The following PCDHA2 variants were observed in gnomAD, a reference collection of about 807,000 sequenced individuals.
PCDHA2 encodes the protein protocadherin alpha 2, also known as protocadherin alpha-2.
Under a neutral mutation model 66.0 loss-of-function variants are expected in PCDHA2, and 58 were observed. That is an observed-to-expected ratio of 0.88 (90% CI 0.71 to 1.09). The LOEUF is 1.09. PCDHA2 is among the 50% of genes least tolerant of loss of function. The pLI, the probability that PCDHA2 is intolerant of heterozygous loss-of-function variation, is 0.00. For synonymous variants in PCDHA2, 634 were observed against 554.0 expected (o/e 1.14, Z -2.03); for missense variants, 1,267 against 1,242.3 (o/e 1.02, Z -0.30).
intron 1 of PCDHA2, chr5:140,827,862 T>A: frequency 1.7e-6 from 1 of 602,860 alleles, no homozygotes; most frequent in Non-Finnish European, 2.9e-6. Context: ...AAATATATGG[T>A]ATAGCACTGT....
At chr5:141,005,153 C>G (rs1408163088) in intron 3 of PCDHA2, among the ~76,000 whole-genome samples, 1 of 152,194 alleles carries the variant, frequency 6.6e-6, no homozygotes, top group East Asian at 1.9e-4. Flanking sequence ...GTTTGGTCTG[C>G]TAAAGAGTGG....
At chr5:140,799,038 C>A (rs1554120819) in intron 1 of PCDHA2, among the ~76,000 whole-genome samples, 1 of 152,168 alleles carries the variant, frequency 6.6e-6, no homozygotes, top group Non-Finnish European at 1.5e-5. Context: ...TGATAAGCTT[C>A]TAAAATTATA....
rs77462249 is a variant in PCDHA2 at position 141,008,293 on chromosome 5, C to G, written c.2537-1334C>G. ...ATAGGAAATTGAAATAGCAGTTGTA[C>G]CCAACCCTAAACTGTAATTGAACAT... On this transcript the variant is annotated intron_variant, in intron 3 of 3. Coordinates refer to ENST00000526136, the MANE Select transcript of PCDHA2 (RefSeq NM_018905.3). 3.5e-3 allele frequency among the ~76,000 whole-genome samples: 527 copies of G among 152,254 alleles called. 1 individual carries two copies. The highest frequency in any genetic ancestry group is 5.9e-3 in the Non-Finnish European group (399 of 68,006).
At chr5:140,931,235 C>T (rs1563126725) in intron 1 of PCDHA2, among the ~76,000 whole-genome samples, 1 of 152,116 alleles carries the variant, frequency 6.6e-6, no homozygotes, top group Non-Finnish European at 1.5e-5. Flanking sequence ...AATATGTGAA[C>T]ACTTTTCCTA....
chr5:140,885,480 A>G (rs782437070), intron 1 of PCDHA2, among the ~76,000 whole-genome samples: 7 of 152,158 alleles, frequency 4.6e-5, no homozygotes, highest in Non-Finnish European at 7.4e-5. Context: ...ACTTTGTGTC[A>G]AGTGTTCTGT....
chr5:140,888,647 T>C (rs781796685), intron 1 of PCDHA2, among the ~76,000 whole-genome samples: 2 of 152,244 alleles, frequency 1.3e-5, no homozygotes, highest in African/African-American at 2.4e-5. Context: ...AATACTTTCC[T>C]GAGGACACCA....
intron 1 of PCDHA2, chr5:140,830,291 G>A (rs1770969160): frequency 6.2e-7 from 1 of 1,613,746 alleles, no homozygotes. Context: ...CGCGTGCACG[G>A]CGGACAAGCC....
At position 140,858,049 on chromosome 5, in the gene PCDHA2, G is replaced by T. The variant is rs181372488; in HGVS notation, c.2388+60697G>T. 54 of 1,597,448 alleles carry T rather than the reference G, an allele frequency of 3.4e-5. 4 individuals carry two copies. Among genetic ancestry groups the T allele is most frequent in the Non-Finnish European group, 4.4e-5 (51 of 1,167,426 alleles). On this transcript the variant is annotated intron_variant, in intron 1 of 3. Coordinates refer to ENST00000526136, the MANE Select transcript of PCDHA2 (RefSeq NM_018905.3). ...CGGCCACGGCCACTGTGCTTGTGTC[G>T]CTTGTGGAGGGCAGCCAGGCACCCA... is the stretch of plus-strand genomic sequence containing the variant.
At chr5:140,869,203 TC>T in intron 1 of PCDHA2, 30 of 1,614,000 alleles carry the variant, frequency 1.9e-5, no homozygotes, top group Non-Finnish European at 2.5e-5. Flanking sequence ...GCTCCACTAC[TC>T]CGTCTCGGAG....
chr5:140,885,287 G>T (rs1224083539), intron 1 of PCDHA2, among the ~76,000 whole-genome samples: 1 of 152,050 alleles, frequency 6.6e-6, no homozygotes, highest in African/African-American at 2.4e-5. Context: ...TACATATATA[G>T]AGAGAGACCT....
intron 1 of PCDHA2, chr5:140,871,535 G>GTTTC: frequency 6.6e-7 from 1 of 1,514,054 alleles, no homozygotes; most frequent in Non-Finnish European, 8.9e-7. Flanking sequence ...AAGTGTATGT[G>GTTTC]AAATTATTTA....
At position 140,926,851 on chromosome 5, in the gene PCDHA2, T is replaced by C. The variant is rs201136210; in HGVS notation, c.2389-52098T>C. 6.6e-6 allele frequency: 10 copies of C among 1,517,220 alleles called. No individual in the cohort carries two copies. In the Admixed American group the frequency reaches 6.6e-5, roughly 10 times the overall value. The allele number at this position is 1,517,220 out of a possible 1,614,324, so 94.0% of individuals were successfully genotyped here. ...TCCGGAGCATGGTCCTGGGTCACCGTTGGTGTAGCGTGTTGGTGGAACGTG... is the reference window on the plus strand; with the variant it reads ...TCCGGAGCATGGTCCTGGGTCACCGCTGGTGTAGCGTGTTGGTGGAACGTG... On this transcript the variant is annotated intron_variant, in intron 1 of 3. Coordinates refer to ENST00000526136, the MANE Select transcript of PCDHA2 (RefSeq NM_018905.3).
At chr5:140,907,975 G>A (rs1242073777) in intron 1 of PCDHA2, among the ~76,000 whole-genome samples, 1 of 152,154 alleles carries the variant, frequency 6.6e-6, no homozygotes, top group Non-Finnish European at 1.5e-5. Flanking sequence ...TTCCAATCAT[G>A]CTTCTTCCAA....
At chr5:140,906,518 A>G (rs377287696) in intron 1 of PCDHA2, among the ~76,000 whole-genome samples, 161 of 152,358 alleles carry the variant, frequency 1.1e-3, no homozygotes, top group African/African-American at 3.7e-3. Flanking sequence ...AGGAGGAAAT[A>G]CTCACGACAA....
At chr5:140,855,737 C>A (rs1168168277) in intron 1 of PCDHA2, 12 of 304,242 alleles carry the variant, frequency 3.9e-5, no homozygotes, top group Non-Finnish European at 6.7e-5. Context: ...TATAAAGAGA[C>A]GTAATGTGAG....
chr5:140,801,735 T>A (rs371671577), intron 1 of PCDHA2: 13 of 1,613,984 alleles, frequency 8.1e-6, no homozygotes, highest in Non-Finnish European at 1.1e-5. Context: ...ATATTTTACC[T>A]TGGACGTTAA....
At chr5:140,874,045 A>C (rs1365438306) in intron 1 of PCDHA2, among the ~76,000 whole-genome samples, 1 of 152,212 alleles carries the variant, frequency 6.6e-6, no homozygotes, top group East Asian at 1.9e-4. Flanking sequence ...CTTGGTGATG[A>C]TATTAGACAA....
At chr5:140,905,766 A>G (rs782122019) in intron 1 of PCDHA2, among the ~76,000 whole-genome samples, 15 of 152,144 alleles carry the variant, frequency 9.9e-5, no homozygotes, top group African/African-American at 2.7e-4. Flanking sequence ...GGTTAAGTAT[A>G]TTCCGAAGTG....
In PCDHA2 at chr5:140,829,690, T is replaced by C. The variant is rs147329611; in HGVS notation, c.2388+32338T>C. The stretch of plus-strand genomic sequence containing the variant: ...ACGAGGAGCTAGAGCTGCTGCAGTT[T>C]CAGGTGAGCGCGCGCGACGCGGGCG... On this transcript the variant is annotated intron_variant, in intron 1 of 3. Coordinates refer to ENST00000526136, the MANE Select transcript of PCDHA2 (RefSeq NM_018905.3). The C allele has an allele frequency of 9.4e-5, 151 of 1,613,174 alleles. 1 individual carries two copies. Among genetic ancestry groups the C allele is most frequent in the South Asian group, 2.2e-4 (20 of 91,054 alleles).
Sources: allele counts gnomAD v4.1 joint callset (sites outside exome capture counted in the v4.1 genomes callset), GRCh38; gene constraint gnomAD v4.1.1; transcripts MANE v1.5; gene names NCBI Gene and HGNC (gene_info 2026-07-23, HGNC 2026-07-21).